The following TENM4 variants were observed in gnomAD, a reference collection of about 807,000 sequenced individuals.
TENM4 encodes teneurin-4.
In TENM4, 82 loss-of-function variants were observed where a neutral mutation model predicts 243.3. That is an observed-to-expected ratio of 0.34 (90% CI 0.28 to 0.40). The LOEUF (loss-of-function observed/expected upper bound fraction) is 0.40, where lower values mean the gene tolerates loss of function less well. Among genes scored for constraint, TENM4 ranks in the 10% least tolerant of loss-of-function variants. The pLI is 1.00. For synonymous variants in TENM4, 1,412 were observed against 1,456.3 expected, an observed-to-expected ratio of 0.97 and a Z score of 0.69; for missense variants, 3,138 against 3,673.3, an observed-to-expected ratio of 0.85 and a Z score of 3.77.
At chr11:79,195,066 G>A (rs1863595370) in intron 3 of TENM4, among the ~76,000 whole-genome samples, 1 of 152,240 alleles carries the variant, frequency 6.6e-6, no homozygotes, top group Non-Finnish European at 1.5e-5. Flanking sequence ...TGGCTTCACA[G>A]GCTGGAAGCC....
At chr11:78,777,406 C>T (rs1856758882) in intron 17 of TENM4, among the ~76,000 whole-genome samples, 1 of 152,220 alleles carries the variant, frequency 6.6e-6, no homozygotes, top group African/African-American at 2.4e-5. Context: ...AGTTTTAAAA[C>T]AGCTGTTGCT....
chr11:79,379,189 G>A lies in TENM4; in HGVS notation c.-321+61320C>T, dbSNP rs549999744. 1.1e-4 allele frequency among the ~76,000 whole-genome samples: 16 copies of A among 152,316 alleles called. No individual in the cohort carries two copies. The South Asian group carries it at 2.1e-3, about 20-fold the overall frequency. Reference sequence around the variant, plus strand: ...CAAGGCCAGGAGGAGAGAAAGGCTCGTGGGTTCAAGGACAGAGCAGAGGTC... The same window carrying A: ...CAAGGCCAGGAGGAGAGAAAGGCTCATGGGTTCAAGGACAGAGCAGAGGTC... On this transcript the variant is annotated intron_variant, in intron 1 of 33. Coordinates refer to ENST00000278550, the MANE Select transcript of TENM4 (RefSeq NM_001098816.3).
chr11:79,202,247 C>G (rs1863753095), intron 3 of TENM4, among the ~76,000 whole-genome samples: 1 of 152,216 alleles, frequency 6.6e-6, no homozygotes, highest in South Asian at 2.1e-4. Context: ...GGGACTTTTC[C>G]CCTTCCACCC....
At chr11:78,806,113 G>A (rs1331557935) in intron 14 of TENM4, among the ~76,000 whole-genome samples, 4 of 151,944 alleles carry the variant, frequency 2.6e-5, no homozygotes, top group Non-Finnish European at 5.9e-5. Context: ...AACACAGCGA[G>A]ATCCTGTCTC....
intron 6 of TENM4, among the ~76,000 whole-genome samples, chr11:79,009,695 C>T (rs999338860): frequency 2.6e-5 from 4 of 152,152 alleles, no homozygotes; most frequent in African/African-American, 9.7e-5. Flanking sequence ...GAAACTGAGG[C>T]TCAGAGAGGG....
At chr11:79,275,841 G>A (rs1856046162) in intron 2 of TENM4, among the ~76,000 whole-genome samples, 1 of 152,222 alleles carries the variant, frequency 6.6e-6, no homozygotes, top group Admixed American at 6.5e-5. Flanking sequence ...TTAGCATCCT[G>A]TATAGACAGG....
At chr11:78,940,063 C>T (rs1381575057) in intron 6 of TENM4, among the ~76,000 whole-genome samples, 1 of 152,240 alleles carries the variant, frequency 6.6e-6, no homozygotes, top group East Asian at 1.9e-4. Context: ...AACCCAGTCA[C>T]AGCTACAACA....
At chr11:79,321,714 GC>G (rs1856894279) in intron 1 of TENM4, among the ~76,000 whole-genome samples, 1 of 151,224 alleles carries the variant, frequency 6.6e-6, no homozygotes, top group Admixed American at 6.6e-5. Flanking sequence ...ATTTCACGGA[GC>G]TTGTTGACAT....
chr11:79,356,159 G>T (rs1424833697), intron 1 of TENM4, among the ~76,000 whole-genome samples: 1 of 152,116 alleles, frequency 6.6e-6, no homozygotes, highest in Admixed American at 6.5e-5. Flanking sequence ...CTTGCATCTG[G>T]ACGTGAATCC....
At chr11:79,135,374 A>G (rs1862087562) in intron 4 of TENM4, among the ~76,000 whole-genome samples, 1 of 152,060 alleles carries the variant, frequency 6.6e-6, no homozygotes, top group African/African-American at 2.4e-5. Flanking sequence ...GGATGTGGTG[A>G]TCAGGGAACA....
intron 15 of TENM4, among the ~76,000 whole-genome samples, chr11:78,792,379 A>G (rs186474512): frequency 1.3e-3 from 205 of 152,296 alleles, no homozygotes; most frequent in African/African-American, 4.9e-3. Context: ...CTTCCTCTCA[A>G]AATCAGAGGA....
At chr11:78,778,763 G>T in intron 16 of TENM4, 135 bp from the exon 17 acceptor site, 1 of 721,712 alleles carries the variant, frequency 1.4e-6, no homozygotes, top group Non-Finnish European at 2.3e-6. Flanking sequence ...CCATGGTGGG[G>T]AAAATAAAAC....
At position 78,854,283 on chromosome 11, in the gene TENM4, C is replaced by T; in HGVS notation, c.1502G>A (p.Arg501Lys). The T allele has an allele frequency of 6.6e-7, 1 of 1,519,860 alleles. No individual in the cohort carries two copies. Among genetic ancestry groups the T allele is most frequent in the Middle Eastern group, 1.7e-4 (1 of 5,828 alleles). 94.1% of individuals were successfully genotyped at this position (1,519,860 alleles called of 1,614,324 possible). The change falls in exon 12 of 34, where the codon AGG (arginine) becomes AAG (lysine). Residue 501 changes from arginine (R) to lysine (K), a missense_variant. Arg to Lys is a conservative substitution (Grantham distance 26). Around this residue, in one of 2 missense-constraint regions of TENM4, gnomAD observed 2,467 missense variants for 3,059.1 expected, o/e 0.81. Coordinates refer to ENST00000278550, the MANE Select transcript of TENM4 (RefSeq NM_001098816.3). ...FDFVELLDGRRLLTQEARSLE... is the reference protein window; with the variant it reads ...FDFVELLDGRKLLTQEARSLE... Reference sequence around the variant, plus strand: ...GCTCCGCGCCTCCTGGGTTAGGAGCCTCCTGCCATCCAGCAGCTCCACAAA... The same window carrying T: ...GCTCCGCGCCTCCTGGGTTAGGAGCTTCCTGCCATCCAGCAGCTCCACAAA...
chr11:79,126,621 T>C (rs1332683176), intron 4 of TENM4, among the ~76,000 whole-genome samples: 1 of 152,186 alleles, frequency 6.6e-6, no homozygotes, highest in Non-Finnish European at 1.5e-5. Flanking sequence ...ACTGCATTCC[T>C]ATGTAATTTA....
At chr11:79,412,732 C>T (rs1169737067) in intron 1 of TENM4, among the ~76,000 whole-genome samples, 1 of 152,220 alleles carries the variant, frequency 6.6e-6, no homozygotes, top group Non-Finnish European at 1.5e-5. Context: ...CTACTAACCT[C>T]TTGGAAAACA....
chr11:79,235,480 C>T (rs551760418), intron 2 of TENM4, among the ~76,000 whole-genome samples: 1 of 152,086 alleles, frequency 6.6e-6, no homozygotes, highest in Admixed American at 6.5e-5. Flanking sequence ...GGGAGGTGCT[C>T]AAGATAGGGA....
intron 1 of TENM4, among the ~76,000 whole-genome samples, chr11:79,373,780 A>AAT (rs1462779518): frequency 6.6e-6 from 1 of 152,238 alleles, no homozygotes; most frequent in Non-Finnish European, 1.5e-5. Context: ...TGTTATATAA[A>AAT]ATATATTTGT....
chr11:79,333,397 T>A (rs924382627), intron 1 of TENM4, among the ~76,000 whole-genome samples: 4 of 152,224 alleles, frequency 2.6e-5, no homozygotes, highest in Admixed American at 1.3e-4. Flanking sequence ...TTTCATTTAA[T>A]CTTTATGTGG....
At chr11:78,915,088 C>T (rs1407139184) in intron 6 of TENM4, among the ~76,000 whole-genome samples, 1 of 152,258 alleles carries the variant, frequency 6.6e-6, no homozygotes, top group African/African-American at 2.4e-5. Flanking sequence ...AGCTCGCCAC[C>T]TCCCTCTTTA....
Sources: allele counts gnomAD v4.1 joint callset (sites outside exome capture counted in the v4.1 genomes callset), GRCh38; gene constraint gnomAD v4.1.1; regional missense constraint gnomAD v4.1.1; transcripts MANE v1.5; gene names NCBI Gene and HGNC (gene_info 2026-07-23, HGNC 2026-07-21).